LPAR3: variants seen among roughly 807,000 people sequenced by gnomAD.
LPAR3 encodes LPA receptor 3.
LPAR3 carries 7 observed loss-of-function variants against 17.8 expected under a neutral mutation model. The observed-to-expected ratio is 0.39, with a 90% confidence interval of 0.22 to 0.74. LPAR3 has a LOEUF of 0.74. Among genes scored for constraint, LPAR3 ranks in the 30% least tolerant of loss-of-function variants. The probability of loss-of-function intolerance (pLI) is 0.40; values close to 1 mark genes in which losing one functional copy is unlikely to be tolerated. For synonymous variants in LPAR3, 179 were observed against 179.9 expected (o/e 0.99, Z 0.04); for missense variants, 391 against 453.4 (o/e 0.86, Z 1.25).
chr1:84,864,521 A>G (rs941073554), intron 2 of LPAR3, among the ~76,000 whole-genome samples: 2 of 152,220 alleles, frequency 1.3e-5, no homozygotes, highest in African/African-American at 2.4e-5. Flanking sequence ...CCATTAAAAT[A>G]TAAGTCAGAT....
At chr1:84,829,152 A>ATTTTTTTTTTTTTTTTT (rs56095946) in intron 2 of LPAR3, among the ~76,000 whole-genome samples, 1 of 55,550 alleles carries the variant, frequency 1.8e-5, no homozygotes, top group Non-Finnish European at 3.0e-5. Context: ...CCTCTCTGCA[A>ATTTTTTTTTTTTTTTTT]TTTTTTTTTT....
At position 84,841,415 on chromosome 1, in the gene LPAR3, T is replaced by C. The variant is rs140502154; in HGVS notation, c.736+23970A>G. On this transcript the variant is annotated intron_variant, in intron 2 of 2. Coordinates refer to ENST00000370611, the MANE Select transcript of LPAR3 (RefSeq NM_012152.3). The stretch of plus-strand genomic sequence containing the variant: ...TGGATTAGGCTGTGGAGTTTGTCCT[T>C]TGGAGGAAAAGAAAAGTGAATGAAA... Among the ~76,000 whole-genome samples, 720 of 152,212 alleles carry C rather than the reference T, an allele frequency of 4.7e-3. 9 individuals are homozygous for C. Among genetic ancestry groups the C allele is most frequent in the East Asian group, 0.024 (125 of 5,186 alleles).
chr1:84,842,752 C>T (rs1443743630), intron 2 of LPAR3, among the ~76,000 whole-genome samples: 1 of 152,038 alleles, frequency 6.6e-6, no homozygotes, highest in Non-Finnish European at 1.5e-5. Context: ...CATAACAGTC[C>T]TATGTTTGAA....
At chr1:84,846,318 A>C (rs1659594306) in intron 2 of LPAR3, among the ~76,000 whole-genome samples, 1 of 152,230 alleles carries the variant, frequency 6.6e-6, no homozygotes, top group Non-Finnish European at 1.5e-5. Flanking sequence ...TTCCAGTCTT[A>C]TTAGAGAGTC....
intron 2 of LPAR3, among the ~76,000 whole-genome samples, chr1:84,829,045 G>T (rs982931414): frequency 6.7e-6 from 1 of 150,130 alleles, no homozygotes; most frequent in Non-Finnish European, 1.5e-5. Context: ...AGCTCCAAGG[G>T]GATATCTTTG....
chr1:84,830,530 A>G (rs1570864905), intron 2 of LPAR3, among the ~76,000 whole-genome samples: 1 of 151,576 alleles, frequency 6.6e-6, no homozygotes, highest in African/African-American at 2.4e-5. Context: ...TCCACAGCAC[A>G]CTCTTACACA....
intron 1 of LPAR3, among the ~76,000 whole-genome samples, chr1:84,884,838 C>T (rs1204546724): frequency 6.6e-6 from 1 of 152,204 alleles, no homozygotes; most frequent in Admixed American, 6.5e-5. Flanking sequence ...GTTGGATGTT[C>T]CTGGAATTTG....
At chr1:84,879,547 G>A (rs959725190) in intron 1 of LPAR3, among the ~76,000 whole-genome samples, 5 of 151,964 alleles carry the variant, frequency 3.3e-5, no homozygotes, top group Non-Finnish European at 4.4e-5. Context: ...TCCTGGCCTC[G>A]TGATCCACCC....
At chr1:84,878,743 G>A (rs11161472) in intron 1 of LPAR3, among the ~76,000 whole-genome samples, 59,270 of 151,970 alleles carry the variant, frequency 0.39, 11,872 homozygotes, top group South Asian at 0.46. Flanking sequence ...GTGACTTCAG[G>A]ACCCCAGGGT....
At chr1:84,815,074 C>T (rs867777282) in intron 2 of LPAR3, among the ~76,000 whole-genome samples, 8 of 152,120 alleles carry the variant, frequency 5.3e-5, no homozygotes, top group South Asian at 2.1e-4. Context: ...CTGGTGCAAA[C>T]GCTTTCCTTG....
chr1:84,853,594 C>T (rs1659762047), intron 2 of LPAR3, among the ~76,000 whole-genome samples: 1 of 152,188 alleles, frequency 6.6e-6, no homozygotes, highest in Admixed American at 6.5e-5. Context: ...CTCTTCTCCT[C>T]CCCTGCAGCC....
At chr1:84,867,599 T>G (rs543777601) in intron 1 of LPAR3, among the ~76,000 whole-genome samples, 1 of 152,300 alleles carries the variant, frequency 6.6e-6, no homozygotes, top group East Asian at 1.9e-4. Context: ...AATTAGATAT[T>G]GCTTTTTGGC....
At chr1:84,855,213 G>A (rs1361465700) in intron 2 of LPAR3, among the ~76,000 whole-genome samples, 2 of 152,128 alleles carry the variant, frequency 1.3e-5, no homozygotes, top group Non-Finnish European at 2.9e-5. Context: ...GAACATAGTA[G>A]TCCCCAGCTG....
At chr1:84,830,231 T>G (rs1429647649) in intron 2 of LPAR3, among the ~76,000 whole-genome samples, 2 of 152,188 alleles carry the variant, frequency 1.3e-5, no homozygotes, top group Non-Finnish European at 2.9e-5. Context: ...ACTTGCCAAG[T>G]ATTGAGTATC....
At chr1:84,843,443 AC>A (rs1384838604) in intron 2 of LPAR3, among the ~76,000 whole-genome samples, 3 of 152,246 alleles carry the variant, frequency 2.0e-5, no homozygotes, top group Non-Finnish European at 4.4e-5. Context: ...CTGGGTTCTT[AC>A]AAGGCAAAGC....
chr1:84,856,547 T>A (rs1379543514), intron 2 of LPAR3, among the ~76,000 whole-genome samples: 1 of 149,360 alleles, frequency 6.7e-6, no homozygotes, highest in East Asian at 1.9e-4. Flanking sequence ...GCACATGTAC[T>A]TTTTTTTTCT....
chr1:84,854,464 T>C (rs1329194980), intron 2 of LPAR3, among the ~76,000 whole-genome samples: 3 of 152,156 alleles, frequency 2.0e-5, no homozygotes, highest in Non-Finnish European at 4.4e-5. Flanking sequence ...AGCCTGGAAA[T>C]AGGGTTCTCT....
At chr1:84,853,851 T>C (rs1452753366) in intron 2 of LPAR3, among the ~76,000 whole-genome samples, 2 of 152,248 alleles carry the variant, frequency 1.3e-5, no homozygotes, top group Non-Finnish European at 2.9e-5. Flanking sequence ...TCTTGCCAGA[T>C]GAGGCAGTTC....
At chr1:84,839,043 G>T (rs1427529338) in intron 2 of LPAR3, among the ~76,000 whole-genome samples, 2 of 152,166 alleles carry the variant, frequency 1.3e-5, no homozygotes, top group African/African-American at 4.8e-5. Flanking sequence ...ATTGTGCAGG[G>T]TTCCATTCAA....
Sources: allele counts gnomAD v4.1 joint callset (sites outside exome capture counted in the v4.1 genomes callset), GRCh38; gene constraint gnomAD v4.1.1; transcripts MANE v1.5; gene names NCBI Gene and HGNC (gene_info 2026-07-23, HGNC 2026-07-21).